NEDD9: variants seen among roughly 807,000 people sequenced by gnomAD.
NEDD9 encodes the protein enhancer of filamentation 1.
In NEDD9, 26 loss-of-function variants were observed where a neutral mutation model predicts 76.6. The observed-to-expected ratio is 0.34, with a 90% CI of 0.25 to 0.47. The LOEUF (loss-of-function observed/expected upper bound fraction) is 0.47. Among genes scored for constraint, NEDD9 ranks in the 20% least tolerant of loss-of-function variants. The probability of loss-of-function intolerance (pLI) is 1.00; values close to 1 mark genes in which losing one functional copy is unlikely to be tolerated. For missense variants in NEDD9, 937 were observed against 1,058.5 expected (o/e 0.89, Z 1.59); for synonymous variants, 392 against 414.2 (o/e 0.95, Z 0.65).
intron 1 of NEDD9, among the ~76,000 whole-genome samples, chr6:11,362,525 C>T (rs1180312628): frequency 6.6e-6 from 1 of 152,208 alleles, no homozygotes; most frequent in African/African-American, 2.4e-5. Context: ...ATGAGCTTCA[C>T]ATCTTATTTT....
intron 1 of NEDD9, among the ~76,000 whole-genome samples, chr6:11,228,430 C>T (rs6457134): frequency 0.5 from 76,278 of 151,722 alleles, 21,126 homozygotes; most frequent in African/African-American, 0.76. Flanking sequence ...CTCAGGAGGC[C>T]GAGACAGGAG....
chr6:11,338,840 T>C (rs548064319), intron 1 of NEDD9, among the ~76,000 whole-genome samples: 1 of 151,142 alleles, frequency 6.6e-6, no homozygotes, highest in East Asian at 1.9e-4. Flanking sequence ...GAGAATTGCT[T>C]GAACCTGGGA....
At chr6:11,340,887 C>T (rs893951009) in intron 1 of NEDD9, among the ~76,000 whole-genome samples, 2 of 152,176 alleles carry the variant, frequency 1.3e-5, no homozygotes, top group Non-Finnish European at 1.5e-5. Flanking sequence ...CAGATAATGG[C>T]CTATGAAGCC....
chr6:11,289,171 T>C (rs1034239189), intron 3 of NEDD9, among the ~76,000 whole-genome samples: 1 of 152,232 alleles, frequency 6.6e-6, no homozygotes, highest in Non-Finnish European at 1.5e-5. Context: ...CAAACATTTT[T>C]TGAAGAGCTG....
At chr6:11,268,090 C>T (rs956902700) in intron 3 of NEDD9, among the ~76,000 whole-genome samples, 7 of 152,108 alleles carry the variant, frequency 4.6e-5, no homozygotes, top group Non-Finnish European at 7.3e-5. Context: ...AGTGCAGTGG[C>T]GCGATCTCGG....
upstream of NEDD9, among the ~76,000 whole-genome samples, chr6:11,232,975 A>G (rs1444837711): frequency 1.3e-5 from 2 of 152,092 alleles, no homozygotes; most frequent in Non-Finnish European, 2.9e-5. Context: ...AAAGAAACTG[A>G]ATTCACAAAA....
chr6:11,256,824 G>T (rs998201898), intron 3 of NEDD9, among the ~76,000 whole-genome samples: 1 of 152,218 alleles, frequency 6.6e-6, no homozygotes, highest in Non-Finnish European at 1.5e-5. Context: ...TAGGCTGTTT[G>T]TATCAGTAGA....
rs567468544 is a variant in NEDD9 at position 11,343,385 on chromosome 6, C to T, written c.-213-8824G>A. Among the ~76,000 whole-genome samples, 19 of 151,722 alleles carry T rather than the reference C, an allele frequency of 1.3e-4. No individual in the cohort carries two copies. The South Asian group carries it at 3.5e-3, about 28-fold the overall frequency. On this transcript the variant is annotated intron_variant, in intron 1 of 3. Transcript: ENST00000397378. Reference sequence around the variant, plus strand: ...CAGAGGTTGCAGTGAGTGGAGATGGCGCCACTGCACTCTAGCCTGGGCAAC... The same window carrying T: ...CAGAGGTTGCAGTGAGTGGAGATGGTGCCACTGCACTCTAGCCTGGGCAAC...
At chr6:11,267,984 T>C (rs1482762838) in intron 3 of NEDD9, among the ~76,000 whole-genome samples, 1 of 152,210 alleles carries the variant, frequency 6.6e-6, no homozygotes, top group Non-Finnish European at 1.5e-5. Context: ...CTTTGCTGGC[T>C]CTGAAACTGG....
At chr6:11,300,940 A>G (rs1476413363) in intron 3 of NEDD9, among the ~76,000 whole-genome samples, 1 of 152,246 alleles carries the variant, frequency 6.6e-6, no homozygotes, top group Non-Finnish European at 1.5e-5. Flanking sequence ...CATTGATGCT[A>G]TGAAGAAACT....
In NEDD9 at chr6:11,243,242, T is replaced by C. The variant is rs2080532005; in HGVS notation, c.13-29515A>G. Among the ~76,000 whole-genome samples the C allele has an allele frequency of 2.6e-5, 4 of 152,246 alleles. No homozygotes were observed. The South Asian group carries it at 8.3e-4, about 32-fold the overall frequency. On this transcript the variant is annotated intron_variant, in intron 3 of 3. Coordinates refer to the NEDD9 transcript ENST00000397378. ...CTGCTTCTGACCCCTGTTCCATCAA[T>C]AACCATCAAAGCCATTGATGCATAG...
chr6:11,235,993 T>C (rs1473432862), upstream of NEDD9, among the ~76,000 whole-genome samples: 1 of 152,226 alleles, frequency 6.6e-6, no homozygotes, highest in Non-Finnish European at 1.5e-5. This position sits in a 1 kb window ranked among gnomAD's most constrained non-coding sequence, Gnocchi z 4.1. Context: ...TATTGAGCTC[T>C]GGTCTTAATG....
chr6:11,322,403 G>A (rs16871253), intron 2 of NEDD9, among the ~76,000 whole-genome samples: 9,716 of 152,186 alleles, frequency 0.064, 338 homozygotes, highest in Middle Eastern at 0.12. Context: ...GGCACCTGAG[G>A]ACTGAGCTGG....
intron 3 of NEDD9, among the ~76,000 whole-genome samples, chr6:11,270,821 G>A (rs1457669131): frequency 6.6e-6 from 1 of 152,226 alleles, no homozygotes; most frequent in Non-Finnish European, 1.5e-5. Flanking sequence ...AAAGAGGGAA[G>A]TCAAAGAAAG....
At chr6:11,299,722 G>A (rs1268602838) in intron 3 of NEDD9, among the ~76,000 whole-genome samples, 1 of 152,222 alleles carries the variant, frequency 6.6e-6, no homozygotes, top group Non-Finnish European at 1.5e-5. Flanking sequence ...GGCAAACAGG[G>A]TCTGGATTAG....
chr6:11,378,939 G>T (rs1267235500), intron 1 of NEDD9, among the ~76,000 whole-genome samples: 3 of 152,234 alleles, frequency 2.0e-5, no homozygotes, highest in Admixed American at 1.3e-4. Flanking sequence ...ATACAATGGA[G>T]CTTGTGTTGT....
intron 1 of NEDD9, among the ~76,000 whole-genome samples, chr6:11,369,590 T>A (rs1389163806): frequency 1.3e-5 from 2 of 152,200 alleles, no homozygotes; most frequent in Non-Finnish European, 1.5e-5. Flanking sequence ...TTTAAATATC[T>A]AAAGACAGAC....
chr6:11,226,567 A>G (rs1254438555), intron 1 of NEDD9, among the ~76,000 whole-genome samples: 1 of 152,200 alleles, frequency 6.6e-6, no homozygotes, highest in Non-Finnish European at 1.5e-5. Flanking sequence ...ATTGACTGCA[A>G]TTGGATAAGA....
intron 1 of NEDD9, among the ~76,000 whole-genome samples, chr6:11,343,147 C>G (rs536073921): frequency 1.1e-3 from 171 of 152,152 alleles, no homozygotes; most frequent in Non-Finnish European, 2.0e-3. Flanking sequence ...AAGGTAACTT[C>G]GGCCCAGTGC....
Sources: allele counts gnomAD v4.1 joint callset (sites outside exome capture counted in the v4.1 genomes callset), GRCh38; gene constraint gnomAD v4.1.1; non-coding constraint Gnocchi (gnomAD v3.1); transcripts MANE v1.5; gene names NCBI Gene and HGNC (gene_info 2026-07-23, HGNC 2026-07-21).